Variants in NACC2 observed in about 807,000 individuals in gnomAD.
NACC2 encodes nucleus accumbens-associated protein 2.
Under a neutral mutation model 25.1 loss-of-function variants are expected in NACC2, and 8 were observed. The observed-to-expected ratio is 0.32, with a 90% CI of 0.19 to 0.57. The LOEUF is 0.57. NACC2 is among the 20% of genes least tolerant of loss of function. The pLI is 0.89. For missense variants in NACC2, 644 were observed against 650.2 expected, an observed-to-expected ratio of 0.99 and a Z score of 0.10; for synonymous variants, 435 against 294.7, an observed-to-expected ratio of 1.48 and a Z score of -4.88.
chr9:136,075,145 G>C lies in NACC2; in HGVS notation c.-60+20044C>G, dbSNP rs201106932. ...CTCCCTCAAAGCGGCAGGCCAGGAA[G>C]TGGGGAGCCCCAGGTGTGGGTGCAG... On this transcript the variant is annotated intron_variant, in intron 1 of 5. Coordinates refer to ENST00000277554, the MANE Select transcript of NACC2 (RefSeq NM_144653.5). Among the ~76,000 whole-genome samples, 3 of 152,254 alleles carry C rather than the reference G, an allele frequency of 2.0e-5. No individual in the cohort carries two copies. The East Asian group carries it at 5.8e-4, about 29-fold the overall frequency.
chr9:136,045,505 C>T (rs1227763211), intron 2 of NACC2, among the ~76,000 whole-genome samples: 6 of 152,224 alleles, frequency 3.9e-5, no homozygotes, highest in East Asian at 3.9e-4. Flanking sequence ...AACATCTGCC[C>T]GCCCGAAGCC....
At position 136,008,923 on chromosome 9, in the gene NACC2, C is replaced by T. The variant is rs1840063849; in HGVS notation, c.*2593G>A. On this transcript the variant is annotated 3_prime_UTR_variant, in exon 6 of 6. Coordinates refer to ENST00000277554, the MANE Select transcript of NACC2 (RefSeq NM_144653.5). ...ATTTAAGTTTTATCTATAGCTCTTG[C>T]CTTCCTTACCCAGAACAAAACAGAC... 1 of 152,276 alleles carries T rather than the reference C, an allele frequency of 6.6e-6. No individual in the cohort carries two copies. The highest frequency in any genetic ancestry group is 2.1e-4 in the South Asian group (1 of 4,838). The allele number at this position is 152,276 out of a possible 1,614,324, so 9.4% of individuals were successfully genotyped here. A position where few individuals can be genotyped will look rare whatever the true frequency, so the allele number is the denominator to read the frequency against.
intron 1 of NACC2, among the ~76,000 whole-genome samples, chr9:136,070,191 A>T (rs917511141): frequency 2.0e-5 from 3 of 151,916 alleles, no homozygotes; most frequent in African/African-American, 7.3e-5. Context: ...AGTAATCCAT[A>T]TGTCAAAGAA....
chr9:136,087,549 C>T (rs552536583), intron 1 of NACC2, among the ~76,000 whole-genome samples: 1 of 152,344 alleles, frequency 6.6e-6, no homozygotes, highest in East Asian at 1.9e-4. Flanking sequence ...GGAAGGGCCC[C>T]GCAGCTTCTG....
At chr9:136,059,680 C>T (rs998819313) in intron 1 of NACC2, among the ~76,000 whole-genome samples, 9 of 152,240 alleles carry the variant, frequency 5.9e-5, no homozygotes, top group African/African-American at 9.6e-5. Flanking sequence ...ACCCTGCATA[C>T]GGCTGGCCTT....
intron 2 of NACC2, among the ~76,000 whole-genome samples, chr9:136,017,977 G>C (rs989583560): frequency 1.7e-4 from 26 of 152,296 alleles, no homozygotes; most frequent in African/African-American, 6.3e-4. Context: ...GCACGGCATG[G>C]TCCCCTCGGC....
intron 2 of NACC2, among the ~76,000 whole-genome samples, chr9:136,017,607 C>T (rs1234851524): frequency 6.6e-6 from 1 of 151,860 alleles, no homozygotes; most frequent in Non-Finnish European, 1.5e-5. Flanking sequence ...GGGTGAAGAT[C>T]AGCTCCCCTG....
chr9:136,009,186 A>C lies in NACC2; in HGVS notation c.*2330T>G, dbSNP rs1000499275. On this transcript the variant is annotated 3_prime_UTR_variant, in exon 6 of 6. Transcript: ENST00000277554. ...AATTTGGGTGTGGGGCAGATGAAGG[A>C]AACTCCAGAGGGAACTCAAGTGCAG... 1.3e-5 allele frequency: 2 copies of C among 152,284 alleles called. No homozygotes were observed. Among genetic ancestry groups the C allele is most frequent in the African/African-American group, 4.8e-5 (2 of 41,458 alleles). 9.4% of individuals were successfully genotyped at this position (152,284 alleles called of 1,614,324 possible). A position where few individuals can be genotyped will look rare whatever the true frequency, so the allele number is the denominator to read the frequency against.
chr9:136,027,556 CA>C (rs1403159084), intron 2 of NACC2, among the ~76,000 whole-genome samples: 3 of 151,506 alleles, frequency 2.0e-5, no homozygotes, highest in African/African-American at 7.3e-5. Context: ...GAATTCATAA[CA>C]AAAAAGATGA....
intron 2 of NACC2, among the ~76,000 whole-genome samples, chr9:136,031,593 C>T (rs1307998757): frequency 6.6e-6 from 1 of 152,124 alleles, no homozygotes; most frequent in Non-Finnish European, 1.5e-5. Context: ...CCGCCTCGGC[C>T]TCCCAAAGTG....
chr9:136,007,513 GCA>G lies in NACC2; in HGVS notation c.*4001_*4002del, dbSNP rs796561896. The G allele has an allele frequency of 0.46, 62,943 of 138,026 alleles. 13,100 individuals carry two copies. Among genetic ancestry groups the G allele is most frequent in the Non-Finnish European group, 0.53 (31,479 of 59,522 alleles). 8.6% of individuals were successfully genotyped at this position (138,026 alleles called of 1,614,324 possible). ...CACAGACACACACATGCACAGACGC[GCA>G]CACACAGACGCACAGACGTGCACAC... is the stretch of plus-strand genomic sequence containing the variant. On this transcript the variant is annotated 3_prime_UTR_variant, in exon 6 of 6. Transcript: ENST00000277554.
chr9:136,008,602 G>A lies in NACC2; in HGVS notation c.*2914C>T, dbSNP rs1840058318. 3 of 152,264 alleles carry A rather than the reference G, an allele frequency of 2.0e-5. No individual in the cohort carries two copies. The South Asian group carries it at 6.2e-4, about 31-fold the overall frequency. The allele number at this position is 152,264 out of a possible 1,614,324, so 9.4% of individuals were successfully genotyped here. On this transcript the variant is annotated 3_prime_UTR_variant, in exon 6 of 6. Coordinates refer to ENST00000277554, the MANE Select transcript of NACC2 (RefSeq NM_144653.5). ...AGGACAACCCCGGATTCTAGAATTA[G>A]TCATCTTGTAAACAAAGGAGGGAAG... is the stretch of plus-strand genomic sequence containing the variant.
At chr9:136,038,721 G>A (rs921674539) in intron 2 of NACC2, among the ~76,000 whole-genome samples, 3 of 152,166 alleles carry the variant, frequency 2.0e-5, no homozygotes. Flanking sequence ...ACAAAGGACT[G>A]GAGGAGGAAC....
intron 1 of NACC2, among the ~76,000 whole-genome samples, chr9:136,075,861 G>A (rs1830257876): frequency 6.6e-6 from 1 of 152,220 alleles, no homozygotes; most frequent in South Asian, 2.1e-4. Flanking sequence ...TGGAGTGAGA[G>A]GCTGCTGAAA....
intron 1 of NACC2, among the ~76,000 whole-genome samples, chr9:136,093,026 CACTGGGCACTCGGTGCCCTGTG>C (rs1300424272): frequency 6.6e-6 from 1 of 152,172 alleles, no homozygotes; most frequent in Non-Finnish European, 1.5e-5. Flanking sequence ...TGGCTGGGGC[CACTGGGCACTCGGTGCCCTGTG>C]CGTTCCAGGG....
chr9:136,086,294 G>A lies in NACC2; in HGVS notation c.-60+8895C>T, dbSNP rs541807128. ...ACAGGACGAAGGGCACATGCCCCCCGAGGCCTCCCACTCAGAGCTGGGAGG... is the reference window on the plus strand; with the variant it reads ...ACAGGACGAAGGGCACATGCCCCCCAAGGCCTCCCACTCAGAGCTGGGAGG... On this transcript the variant is annotated intron_variant, in intron 1 of 5. Coordinates refer to ENST00000277554, the MANE Select transcript of NACC2 (RefSeq NM_144653.5). The surrounding 1 kb of genome is among the most constrained non-coding windows in gnomAD (Gnocchi z 5.6). 1.4e-4 allele frequency among the ~76,000 whole-genome samples: 21 copies of A among 152,288 alleles called. No homozygotes were observed. Among genetic ancestry groups the A allele is most frequent in the African/African-American group, 4.8e-4 (20 of 41,566 alleles).
In NACC2 at chr9:136,007,268, C is replaced by A; in HGVS notation, c.*4248G>T. ...TCTTTTTCCAAAGAAACAAAACAAA[C>A]AAACACGAAAAACCTTTGCCATTTT... On this transcript the variant is annotated 3_prime_UTR_variant, in exon 6 of 6. Coordinates refer to ENST00000277554, the MANE Select transcript of NACC2 (RefSeq NM_144653.5). 1 of 154,518 alleles carries A rather than the reference C, an allele frequency of 6.5e-6. No homozygotes were observed. The highest frequency in any genetic ancestry group is 5.2e-4 in the Middle Eastern group (1 of 1,926). The allele number at this position is 154,518 out of a possible 1,614,324, so 9.6% of individuals were successfully genotyped here. A position where few individuals can be genotyped will look rare whatever the true frequency, so the allele number is the denominator to read the frequency against.
In NACC2 at chr9:136,011,768, G is replaced by T; in HGVS notation, c.1512C>A (p.Ala504=). ...RIYAERRGDA[A]TIVALRTDAV... ...CGTCAGTTCTCAGAGCCACGATGGT[G>T]GCGGCGTCGCCCCGCCGCTCGGCGT... The change falls in exon 6 of 6, where the codon GCC becomes GCA. Residue 504 remains alanine, a synonymous_variant. Transcript: ENST00000277554. The T allele has an allele frequency of 6.5e-7, 1 of 1,535,978 alleles. No homozygotes were observed. The highest frequency in any genetic ancestry group is 2.4e-5 in the East Asian group (1 of 41,716).
chr9:136,048,028 A>G (rs1463723700), intron 2 of NACC2, among the ~76,000 whole-genome samples: 2 of 152,256 alleles, frequency 1.3e-5, no homozygotes, highest in East Asian at 1.9e-4. Context: ...TTCCATCTCC[A>G]TGGTGCAGCT....
Sources: allele counts gnomAD v4.1 joint callset (sites outside exome capture counted in the v4.1 genomes callset), GRCh38; gene constraint gnomAD v4.1.1; non-coding constraint Gnocchi (gnomAD v3.1); transcripts MANE v1.5; gene names NCBI Gene and HGNC (gene_info 2026-07-23, HGNC 2026-07-21).